RYR2: variants seen among roughly 807,000 people sequenced by gnomAD.
The protein encoded by RYR2 is cardiac muscle ryanodine receptor-calcium release channel.
A neutral mutation model predicts 601.1 loss-of-function variants in RYR2; 227 were observed. The observed-to-expected ratio is 0.38, with a 90% confidence interval of 0.34 to 0.42. The LOEUF (loss-of-function observed/expected upper bound fraction) is 0.42. Ranked by LOEUF, RYR2 falls within the 10% of genes least tolerant of loss-of-function variation. The probability of loss-of-function intolerance (pLI) is 1.00; values close to 1 mark genes in which losing one functional copy is unlikely to be tolerated. For synonymous variants in RYR2, 2,223 were observed against 2,175.1 expected, an observed-to-expected ratio of 1.02 and a Z score of -0.61; for missense variants, 4,646 against 6,156.5, an observed-to-expected ratio of 0.75 and a Z score of 8.21.
At chr1:237,642,195 G>T (rs1437920763) in intron 47 of RYR2, among the ~76,000 whole-genome samples, 1 of 152,240 alleles carries the variant, frequency 6.6e-6, no homozygotes, top group South Asian at 2.1e-4. Context: ...TTTGGTTTTG[G>T]TTGGGTTTTT....
chr1:237,284,814 A>C (rs1009566151), intron 2 of RYR2, among the ~76,000 whole-genome samples: 1 of 151,538 alleles, frequency 6.6e-6, no homozygotes, highest in Non-Finnish European at 1.5e-5. Flanking sequence ...CGAGTTCTTG[A>C]TTTGATTCTC....
intron 17 of RYR2, among the ~76,000 whole-genome samples, chr1:237,480,932 C>A (rs2618685): frequency 0.17 from 25,520 of 151,372 alleles, 2,225 homozygotes; most frequent in African/African-American, 0.2. Context: ...TAGTTTTAAC[C>A]TCTGTTGCTT....
intron 1 of RYR2, among the ~76,000 whole-genome samples, chr1:237,160,813 T>C (rs1675928914): frequency 6.6e-6 from 1 of 152,148 alleles, no homozygotes; most frequent in Admixed American, 6.5e-5. Context: ...TGAAAATTGA[T>C]AAAAGAAAGA....
rs1677727127 is a variant in RYR2, at chr1:237,610,530, A to C, written c.4684-232A>C. On this transcript the variant is annotated intron_variant, in intron 35 of 104. Coordinates refer to ENST00000366574, the MANE Select transcript of RYR2 (RefSeq NM_001035.3). This position sits in a 1 kb window ranked among gnomAD's most constrained non-coding sequence, Gnocchi z 4.9. ...AGTATATGGGAAAGACACATCCCGAAACCTGTTTGACTGCCCGGAAGGTGT... is the reference window on the plus strand; with the variant it reads ...AGTATATGGGAAAGACACATCCCGACACCTGTTTGACTGCCCGGAAGGTGT... Among the ~76,000 whole-genome samples the C allele has an allele frequency of 6.6e-6, 1 of 152,156 alleles. No individual in the cohort carries two copies. The highest frequency in any genetic ancestry group is 6.6e-5 in the Admixed American group (1 of 15,266).
intron 71 of RYR2, among the ~76,000 whole-genome samples, chr1:237,716,918 A>T (rs1427188980): frequency 1.3e-5 from 2 of 152,204 alleles, no homozygotes; most frequent in Non-Finnish European, 2.9e-5. Flanking sequence ...TTATATATTT[A>T]TCTGCTTCCC....
intron 1 of RYR2, among the ~76,000 whole-genome samples, chr1:237,116,553 A>T (rs187238352): frequency 7.6e-6 from 1 of 131,290 alleles, no homozygotes; most frequent in Admixed American, 7.2e-5. Context: ...ACATATATAC[A>T]TACACATACA....
intron 18 of RYR2, 82 bp from the exon 19 acceptor site, chr1:237,492,864 GAAGGAAGA>G: frequency 7.7e-7 from 1 of 1,294,822 alleles, no homozygotes. Flanking sequence ...AGGAAGGAAG[GAAGGAAGA>G]AGGGAAGGAA....
intron 63 of RYR2, among the ~76,000 whole-genome samples, chr1:237,696,144 A>C (rs1370968840): frequency 6.6e-6 from 1 of 152,160 alleles, no homozygotes. Flanking sequence ...ATCCCTGGCC[A>C]CCCCTCATGG....
intron 2 of RYR2, among the ~76,000 whole-genome samples, chr1:237,321,288 C>T (rs566349925): frequency 1.3e-5 from 2 of 152,220 alleles, no homozygotes; most frequent in South Asian, 4.1e-4. Flanking sequence ...ATTCTTGAAA[C>T]TGCATAGAAA....
At chr1:237,437,384 A>G (rs1174350636) in intron 12 of RYR2, among the ~76,000 whole-genome samples, 1 of 152,132 alleles carries the variant, frequency 6.6e-6, no homozygotes, top group Admixed American at 6.5e-5. Flanking sequence ...TCATTTGAAA[A>G]TTAGATGTTC....
At chr1:237,456,818 T>G in intron 16 of RYR2, 83 bp downstream of exon 16, 1 of 1,431,788 alleles carries the variant, frequency 7.0e-7, no homozygotes, top group Non-Finnish European at 9.3e-7. Flanking sequence ...GGCTCATGCC[T>G]GTAATTCCAG....
intron 1 of RYR2, among the ~76,000 whole-genome samples, chr1:237,223,354 A>G (rs556435846): frequency 1.1e-4 from 16 of 152,320 alleles, no homozygotes; most frequent in African/African-American, 3.4e-4. Flanking sequence ...TTCATGAGGG[A>G]AGAACACTCA....
intron 10 of RYR2, among the ~76,000 whole-genome samples, chr1:237,408,777 T>C (rs7555780): frequency 0.3 from 45,151 of 152,004 alleles, 6,955 homozygotes; most frequent in African/African-American, 0.38. Flanking sequence ...GAAGAACTGA[T>C]GTCTTGAAAT....
chr1:237,584,307 A>G (rs1674263827), intron 29 of RYR2, among the ~76,000 whole-genome samples: 1 of 152,148 alleles, frequency 6.6e-6, no homozygotes, highest in South Asian at 2.1e-4. Flanking sequence ...GAGTGATGTC[A>G]TTTACCAACC....
At chr1:237,643,908 C>A (rs999010700) in intron 48 of RYR2, among the ~76,000 whole-genome samples, 4 of 152,134 alleles carry the variant, frequency 2.6e-5, no homozygotes, top group Non-Finnish European at 5.9e-5. Flanking sequence ...GCCACCGCAT[C>A]CAGACTTTTT....
chr1:237,521,452 A>T (rs1404266115), intron 24 of RYR2, among the ~76,000 whole-genome samples: 1 of 152,100 alleles, frequency 6.6e-6, no homozygotes, highest in Non-Finnish European at 1.5e-5. Context: ...ACCTGAGGTC[A>T]GGTGAGCCTG....
chr1:237,670,243 A>G (rs1192069594), intron 58 of RYR2, among the ~76,000 whole-genome samples: 1 of 148,784 alleles, frequency 6.7e-6, no homozygotes, highest in Non-Finnish European at 1.5e-5. Flanking sequence ...GCAGCTGTAC[A>G]GTCCAGCTTC....
intron 63 of RYR2, among the ~76,000 whole-genome samples, chr1:237,695,206 T>C (rs918826116): frequency 6.6e-6 from 1 of 152,240 alleles, no homozygotes; most frequent in Non-Finnish European, 1.5e-5. Context: ...GTTTTTATTA[T>C]TTAGAGAGTC....
intron 63 of RYR2, among the ~76,000 whole-genome samples, chr1:237,691,500 G>C (rs373275103): frequency 6.6e-6 from 1 of 152,140 alleles, no homozygotes; most frequent in Non-Finnish European, 1.5e-5. Flanking sequence ...CATATGAAAT[G>C]AGGATTCTCA....
Sources: allele counts gnomAD v4.1 joint callset (sites outside exome capture counted in the v4.1 genomes callset), GRCh38; gene constraint gnomAD v4.1.1; non-coding constraint Gnocchi (gnomAD v3.1); transcripts MANE v1.5; gene names NCBI Gene and HGNC (gene_info 2026-07-23, HGNC 2026-07-21).